MSANTD7: variants seen among roughly 807,000 people sequenced by gnomAD.
MSANTD7 encodes the protein zinc finger and SCAN domain containing 29.
the MSANTD7 span, chr10:14,838,534 TGA>T: frequency 1.4e-3 from 2,000 of 1,402,688 alleles, 1 homozygote; most frequent in Non-Finnish European, 1.8e-3. Flanking sequence ...TCCACAGGCT[TGA>T]GAGCGGCGTG....
At chr10:14,846,020 G>A in the MSANTD7 span, 1 of 937,676 alleles carries the variant, frequency 1.1e-6, no homozygotes, top group African/African-American at 1.8e-5. Context: ...AGCAGCATAT[G>A]TATATTTGAA....
At chr10:14,843,374 G>A in the MSANTD7 span, 1 of 1,550,816 alleles carries the variant, frequency 6.4e-7, no homozygotes. Context: ...TTTTCAGGGT[G>A]CTCTCAAGGG....
At chr10:14,840,065 T>TA in the MSANTD7 span, 1 of 1,308,558 alleles carries the variant, frequency 7.6e-7, no homozygotes, top group African/African-American at 1.5e-5. Flanking sequence ...TATATTATTT[T>TA]TTTTTTCAGA....
the MSANTD7 span, chr10:14,845,042 A>G: frequency 6.1e-6 from 6 of 985,328 alleles, no homozygotes; most frequent in African/African-American, 1.7e-5. Context: ...TGGGAACACT[A>G]GAGGATGGTG....
the MSANTD7 span, chr10:14,838,464 G>C: frequency 6.2e-6 from 10 of 1,602,104 alleles, no homozygotes; most frequent in Middle Eastern, 1.7e-4. Context: ...TATAAGGTGA[G>C]GGGCTGCGGA....
the MSANTD7 span, chr10:14,843,886 A>G: frequency 4.6e-6 from 7 of 1,536,380 alleles, no homozygotes; most frequent in Non-Finnish European, 6.1e-6. Context: ...TTCGAATACC[A>G]AAAGCTAGGA....
the MSANTD7 span, among the ~76,000 whole-genome samples, chr10:14,838,872 G>A: frequency 6.6e-6 from 1 of 152,152 alleles, no homozygotes; most frequent in African/African-American, 2.4e-5. Context: ...CTGGATGCCG[G>A]AAGGGGTCTC....
the MSANTD7 span, chr10:14,845,552 C>T: frequency 3.1e-6 from 3 of 982,272 alleles, no homozygotes; most frequent in Non-Finnish European, 3.6e-6. Flanking sequence ...AATCCTGTCA[C>T]AGTTTGTTTC....
the MSANTD7 span, among the ~76,000 whole-genome samples, chr10:14,839,447 C>T: frequency 1.3e-5 from 2 of 152,058 alleles, no homozygotes; most frequent in Admixed American, 1.3e-4. Context: ...CGCCTGTAAT[C>T]CCAGCTGCTC....
At chr10:14,840,167 C>A in the MSANTD7 span, 3 of 1,287,930 alleles carry the variant, frequency 2.3e-6, no homozygotes, top group East Asian at 2.5e-5. Flanking sequence ...GGTATGGAAT[C>A]AAATGATACT....
At chr10:14,839,629 C>T in the MSANTD7 span, among the ~76,000 whole-genome samples, 3 of 151,144 alleles carry the variant, frequency 2.0e-5, no homozygotes, top group South Asian at 6.3e-4. Context: ...GGAAAGGTAA[C>T]GTAATAATAG....
At chr10:14,845,155 A>G in the MSANTD7 span, 31 of 985,342 alleles carry the variant, frequency 3.1e-5, no homozygotes, top group Non-Finnish European at 3.7e-5. Flanking sequence ...GATGAAGGTG[A>G]TAAGCCACAC....
the MSANTD7 span, chr10:14,843,370 G>C: frequency 2.8e-5 from 43 of 1,550,708 alleles, no homozygotes; most frequent in Non-Finnish European, 3.7e-5. Flanking sequence ...TTGTTTTTCA[G>C]GGTGCTCTCA....
At chr10:14,840,602 T>G in the MSANTD7 span, among the ~76,000 whole-genome samples, 1 of 152,208 alleles carries the variant, frequency 6.6e-6, no homozygotes, top group African/African-American at 2.4e-5. Flanking sequence ...ACTTTTCCAC[T>G]TGACTTACAA....
chr10:14,844,634 A>G, the MSANTD7 span: 1 of 985,118 alleles, frequency 1.0e-6, no homozygotes, highest in Non-Finnish European at 1.2e-6. Flanking sequence ...AATATAAGGA[A>G]ATAAGAAGTG....
chr10:14,842,716 T>C, the MSANTD7 span: 1 of 1,536,432 alleles, frequency 6.5e-7, no homozygotes, highest in Non-Finnish European at 8.7e-7. This position sits in a 1 kb window ranked among gnomAD's most constrained non-coding sequence, Gnocchi z 5.2. Flanking sequence ...CAAAAAGGAC[T>C]CAGGCAGCTG....
chr10:14,839,920 G>A, the MSANTD7 span: 1 of 1,613,196 alleles, frequency 6.2e-7, no homozygotes, highest in Non-Finnish European at 8.5e-7. Context: ...CCGGGCTGGT[G>A]TGGTTGCAAA....
chr10:14,838,526 C>A, the MSANTD7 span: 1 of 1,456,362 alleles, frequency 6.9e-7, no homozygotes, highest in Non-Finnish European at 9.3e-7. Context: ...CTGGGTCATC[C>A]ACAGGCTTGA....
chr10:14,846,145 T>G, the MSANTD7 span: 1 of 984,622 alleles, frequency 1.0e-6, no homozygotes, highest in Non-Finnish European at 1.2e-6. Context: ...AGAGCATATA[T>G]TTAAGGCATT....
Sources: gnomAD v4.1 joint callset for allele counts (sites outside exome capture counted in the v4.1 genomes callset) on GRCh38, gnomAD v4.1.1 for gene constraint, Gnocchi (gnomAD v3.1) non-coding constraint, MANE v1.5 for transcripts, NCBI Gene and HGNC (gene_info 2026-07-23, HGNC 2026-07-21) for gene names.